Variants in DNAJB14 observed in about 807,000 individuals in gnomAD.
DNAJB14 encodes dnaJ homolog subfamily B member 14.
A neutral mutation model predicts 48.4 loss-of-function variants in DNAJB14; 22 were observed. The observed-to-expected ratio is 0.45, with a 90% CI of 0.32 to 0.65. DNAJB14 has a LOEUF of 0.65. Ranked by LOEUF, DNAJB14 falls within the 30% of genes least tolerant of loss-of-function variation. DNAJB14 has a pLI of 0.03. For missense variants in DNAJB14, 319 were observed against 458.8 expected (o/e 0.70, Z 2.78); for synonymous variants, 142 against 158.7 (o/e 0.89, Z 0.79).
Position 99,905,661 on chromosome 4 carries a change from T to G in DNAJB14, c.778A>C (p.Ile260Leu). The G allele has an allele frequency of 6.2e-7, 1 of 1,612,484 alleles. No individual in the cohort carries two copies. Among genetic ancestry groups the G allele is most frequent in the Non-Finnish European group, 8.5e-7 (1 of 1,179,492 alleles). ...AACTGGCTTAATAATGACACGAGGA[T>G]CAATACAATTATGGGCATCAGCTGG... ...FIQLMPIIVL[I>L]LVSLLSQLMV... The change falls in exon 6 of 8, where the codon ATC becomes CTC. Residue 260 changes from isoleucine (I) to leucine (L), a missense_variant. This residue lies in a region of DNAJB14 where 166 missense variants were observed against 236.3 expected (regional missense o/e 0.70). Transcript: ENST00000442697.
chr4:99,943,170 C>T (rs771051738), intron 1 of DNAJB14, among the ~76,000 whole-genome samples: 9 of 152,098 alleles, frequency 5.9e-5, no homozygotes, highest in South Asian at 2.1e-4. Context: ...TTACATATAA[C>T]TAAAGAAGGC....
chr4:99,908,880 A>G lies in DNAJB14; in HGVS notation c.468T>C (p.Tyr156=), dbSNP rs1338750377. The G allele has an allele frequency of 1.9e-6, 3 of 1,573,886 alleles. No individual in the cohort carries two copies. Among genetic ancestry groups the G allele is most frequent in the East Asian group, 2.3e-5 (1 of 43,536 alleles). ...TDAFKKIGNA[Y]AVLSNPEKRK... is the part of the protein sequence containing the mutation. Reference sequence around the variant, plus strand: ...GCTTTTCTGGATTACTTAAAACAGCATAAGCATTTCCAATCTCTGAAAAAG... The same window carrying G: ...GCTTTTCTGGATTACTTAAAACAGCGTAAGCATTTCCAATCTCTGAAAAAG... Residue 156 remains tyrosine, a synonymous_variant, in exon 4 of 8, where the codon TAT becomes TAC. Coordinates refer to ENST00000442697, the MANE Select transcript of DNAJB14 (RefSeq NM_001031723.4).
At chr4:99,920,320 CT>C (rs1726008961) in intron 3 of DNAJB14, among the ~76,000 whole-genome samples, 1 of 152,156 alleles carries the variant, frequency 6.6e-6, no homozygotes, top group Non-Finnish European at 1.5e-5. Context: ...CAGAATTAAA[CT>C]CTTTGTTCTT....
intron 5 of DNAJB14, chr4:99,905,986 CCA>C: frequency 1.5e-6 from 2 of 1,291,474 alleles, no homozygotes; most frequent in South Asian, 1.5e-5. Flanking sequence ...TCCCTCCCCC[CCA>C]CACACAGAGA....
chr4:99,913,549 T>G (rs567708482), intron 3 of DNAJB14, among the ~76,000 whole-genome samples: 1 of 152,080 alleles, frequency 6.6e-6, no homozygotes, highest in Non-Finnish European at 1.5e-5. Flanking sequence ...TATAATTCTT[T>G]TTATATACTG....
chr4:99,918,861 C>T (rs1347599728), intron 3 of DNAJB14, among the ~76,000 whole-genome samples: 1 of 152,162 alleles, frequency 6.6e-6, no homozygotes. Context: ...GAATGAGCAC[C>T]CTTTTATTGC....
intron 5 of DNAJB14, 118 bp downstream of exon 5, chr4:99,906,399 A>G: frequency 1.9e-6 from 2 of 1,054,894 alleles, no homozygotes; most frequent in Non-Finnish European, 2.7e-6. Context: ...TCTACCAAAC[A>G]CCTCTAGTAA....
chr4:99,932,364 A>G (rs1458916358), intron 1 of DNAJB14, among the ~76,000 whole-genome samples: 1 of 152,184 alleles, frequency 6.6e-6, no homozygotes, highest in Non-Finnish European at 1.5e-5. Context: ...TGAATAGACA[A>G]TTTCTCCAAA....
At chr4:99,924,558 C>T in intron 2 of DNAJB14, 5 of 545,126 alleles carry the variant, frequency 9.2e-6, no homozygotes, top group South Asian at 8.8e-5. Flanking sequence ...AATTTTATTC[C>T]AAAAACATGA....
chr4:99,923,383 G>A (rs748470538), intron 2 of DNAJB14, among the ~76,000 whole-genome samples, 198 bp from the exon 3 acceptor site: 9 of 151,912 alleles, frequency 5.9e-5, no homozygotes, highest in Non-Finnish European at 8.8e-5. Flanking sequence ...ACCTCTTCCC[G>A]AATCTAAGAA....
rs779256174 is a variant in DNAJB14, at chr4:99,903,755, C to T, written c.986G>A (p.Arg329Gln). 16 of 1,608,404 alleles carry T rather than the reference C, an allele frequency of 9.9e-6. No individual in the cohort carries two copies. The highest frequency in any genetic ancestry group is 6.7e-5 in the African/African-American group (5 of 74,406). Residue 329 changes from arginine to glutamine, a missense_variant, in exon 7 of 8, where the codon CGA (arginine) becomes CAA (glutamine). Physicochemically the swap from Arg to Gln is conservative, Grantham distance 43 (BLOSUM62 1). Coordinates refer to ENST00000442697, the MANE Select transcript of DNAJB14 (RefSeq NM_001031723.4). ...SVEEDYVTNI[R>Q]NNCWKERQQK... Reference sequence around the variant, plus strand: ...TTGTCTTTCTTTCCAGCAGTTATTTCGAATATTAGTCACATAATCTTCCTC... The same window carrying T: ...TTGTCTTTCTTTCCAGCAGTTATTTTGAATATTAGTCACATAATCTTCCTC...
At chr4:99,904,385 G>A (rs1725395807) in intron 6 of DNAJB14, among the ~76,000 whole-genome samples, 1 of 152,102 alleles carries the variant, frequency 6.6e-6, no homozygotes, top group African/African-American at 2.4e-5. Context: ...CCACATGGGT[G>A]GCTGAGATAG....
intron 1 of DNAJB14, among the ~76,000 whole-genome samples, chr4:99,939,694 G>A (rs1726821108): frequency 6.6e-6 from 1 of 152,180 alleles, no homozygotes; most frequent in South Asian, 2.1e-4. Context: ...GTGAAAATGT[G>A]GACAAGCTGT....
rs1725199474 is a variant in DNAJB14, at chr4:99,898,608, TAA to T, written c.*2418_*2419del. 6.6e-6 allele frequency: 1 copy of T among 151,740 alleles called. No homozygotes were observed. Among genetic ancestry groups the T allele is most frequent in the African/African-American group, 2.4e-5 (1 of 41,378 alleles). 9.4% of individuals were successfully genotyped at this position (151,740 alleles called of 1,614,324 possible). A position where few individuals can be genotyped will look rare whatever the true frequency, so the allele number is the denominator to read the frequency against. ...GTATTTGTGTTTACACAAAAAGGGG[TAA>T]AAATGTAAAGCATTAATAAATATAA... On this transcript the variant is annotated 3_prime_UTR_variant, in exon 8 of 8. Coordinates refer to ENST00000442697, the MANE Select transcript of DNAJB14 (RefSeq NM_001031723.4).
At chr4:99,932,644 T>C (rs1218102939) in intron 1 of DNAJB14, among the ~76,000 whole-genome samples, 1 of 152,162 alleles carries the variant, frequency 6.6e-6, no homozygotes, top group South Asian at 2.1e-4. Context: ...AACAATCCCA[T>C]TCCTAAGTAC....
intron 1 of DNAJB14, among the ~76,000 whole-genome samples, chr4:99,933,650 G>C (rs984650708): frequency 9.2e-5 from 14 of 152,124 alleles, no homozygotes; most frequent in Non-Finnish European, 1.5e-5. Context: ...ACGGAAACCA[G>C]CATGGTCTAA....
chr4:99,906,192 A>T, intron 5 of DNAJB14: 7 of 1,335,458 alleles, frequency 5.2e-6, no homozygotes, highest in Non-Finnish European at 5.8e-6. Flanking sequence ...GAACAAGGAA[A>T]GTTACCTCCA....
At chr4:99,921,193 T>C (rs956576068) in intron 3 of DNAJB14, among the ~76,000 whole-genome samples, 1 of 152,222 alleles carries the variant, frequency 6.6e-6, no homozygotes, top group African/African-American at 2.4e-5. Context: ...CTGATCCTCT[T>C]TGGGACTAAT....
chr4:99,930,272 T>C (rs1372584202), intron 2 of DNAJB14, 178 bp downstream of exon 2: 2 of 464,764 alleles, frequency 4.3e-6, no homozygotes, highest in African/African-American at 2.0e-5. Flanking sequence ...GAATATTCTA[T>C]AGAGTTGGTA....
Sources: allele counts gnomAD v4.1 joint callset (sites outside exome capture counted in the v4.1 genomes callset), GRCh38; gene constraint gnomAD v4.1.1; regional missense constraint gnomAD v4.1.1; transcripts MANE v1.5; gene names NCBI Gene and HGNC (gene_info 2026-07-23, HGNC 2026-07-21).